STAB2: variants seen among roughly 807,000 people sequenced by gnomAD.
The protein encoded by STAB2 is stabilin 2.
A neutral mutation model predicts 338.1 loss-of-function variants in STAB2; 288 were observed. That is an observed-to-expected ratio of 0.85 (90% CI 0.77 to 0.94). The LOEUF (loss-of-function observed/expected upper bound fraction) is 0.94, where lower values mean the gene tolerates loss of function less well. Among genes scored for constraint, STAB2 ranks in the 40% least tolerant of loss-of-function variants. The pLI is 0.00. For synonymous variants in STAB2, 1,202 were observed against 1,193.3 expected (o/e 1.01, Z -0.15); for missense variants, 3,141 against 3,210.1 (o/e 0.98, Z 0.52).
At chr12:103,729,769 T>C (rs942103208) in intron 48 of STAB2, among the ~76,000 whole-genome samples, 1 of 152,022 alleles carries the variant, frequency 6.6e-6, no homozygotes, top group Non-Finnish European at 1.5e-5. Flanking sequence ...GAGAAAAAAA[T>C]GGTGACTGTA....
Position 103,730,205 on chromosome 12 carries a change from A to G in STAB2, c.5172A>G (p.Leu1724=). The part of the protein sequence containing the change: ...NGIVHIIDKL[L]SPKNLLITPK... ...TTGTTCATATCATAGACAAATTGCT[A>G]TCTCCCAAAAATTTGCTTATCACTC... Residue 1724 remains leucine, a synonymous_variant, in exon 49 of 69, where the codon CTA becomes CTG. Coordinates refer to ENST00000388887, the MANE Select transcript of STAB2 (RefSeq NM_017564.10). 2 of 1,613,568 alleles carry G rather than the reference A, an allele frequency of 1.2e-6. No individual in the cohort carries two copies. Among genetic ancestry groups the G allele is most frequent in the East Asian group, 2.2e-5 (1 of 44,796 alleles).
intron 30 of STAB2, 70 bp from the exon 31 acceptor site, chr12:103,692,742 C>T: frequency 7.5e-7 from 1 of 1,334,308 alleles, no homozygotes; most frequent in East Asian, 2.4e-5. Context: ...AGCAGAAACC[C>T]CAGAGATCAT....
chr12:103,745,410 A>ATTCAGATC (rs1593318179), intron 57 of STAB2, 133 bp downstream of exon 57: 1 of 764,710 alleles, frequency 1.3e-6, no homozygotes, highest in Non-Finnish European at 2.0e-6. Context: ...GTAAAAGATA[A>ATTCAGATC]TTCAGATCTG....
At chr12:103,651,667 C>T (rs1272122969) in intron 11 of STAB2, among the ~76,000 whole-genome samples, 1 of 151,878 alleles carries the variant, frequency 6.6e-6, no homozygotes, top group Non-Finnish European at 1.5e-5. Context: ...CTCTGTGAAA[C>T]AGATCAGCCA....
chr12:103,729,579 A>G (rs1881474937), intron 48 of STAB2, among the ~76,000 whole-genome samples: 1 of 152,246 alleles, frequency 6.6e-6, no homozygotes, highest in Non-Finnish European at 1.5e-5. Flanking sequence ...CAGAAAGGTT[A>G]AGTAACTTGT....
intron 13 of STAB2, 74 bp downstream of exon 13, chr12:103,654,772 A>C: frequency 6.5e-7 from 1 of 1,529,036 alleles, no homozygotes; most frequent in Non-Finnish European, 8.8e-7. Context: ...CATCCAGAGC[A>C]TGCCAGCACT....
At position 103,766,286 on chromosome 12, in the gene STAB2, G is replaced by T. The variant is rs200988702; in HGVS notation, c.7606G>T (p.Asp2536Tyr). 7 of 1,613,962 alleles carry T rather than the reference G, an allele frequency of 4.3e-6. No individual in the cohort carries two copies. The change falls in exon 69 of 69, where the codon GAC becomes TAC. Residue 2536 changes from aspartate (D) to tyrosine (Y), a missense_variant and splice_region_variant. Asp to Tyr is a radical substitution (Grantham distance 160). Coordinates refer to ENST00000388887, the MANE Select transcript of STAB2 (RefSeq NM_017564.10). Reference protein sequence around the residue: ...PPEPSYDPFTDSEERQLEGND... With the variant: ...PPEPSYDPFTYSEERQLEGND... ...CCCCTTACAACCCTCTCTTTTCCAG[G>T]ACTCTGAAGAACGGCAGCTTGAGGG...
chr12:103,702,671 G>A (rs890808696), intron 34 of STAB2, among the ~76,000 whole-genome samples: 2 of 152,154 alleles, frequency 1.3e-5, no homozygotes, highest in Admixed American at 6.5e-5. Flanking sequence ...ACCATGAAGC[G>A]GAGACATACT....
chr12:103,753,389 G>A, intron 61 of STAB2, 36 bp downstream of exon 61: 1 of 1,613,878 alleles, frequency 6.2e-7, no homozygotes, highest in Non-Finnish European at 8.5e-7. Context: ...TGCAGACAGA[G>A]TCTGCAGGGG....
At chr12:103,659,813 T>A (rs1165265945) in intron 15 of STAB2, among the ~76,000 whole-genome samples, 1 of 152,166 alleles carries the variant, frequency 6.6e-6, no homozygotes, top group African/African-American at 2.4e-5. Flanking sequence ...AAGGAAGAGG[T>A]GATCGCTATC....
chr12:103,681,954 T>A (rs1388119998), intron 25 of STAB2, among the ~76,000 whole-genome samples: 1 of 152,150 alleles, frequency 6.6e-6, no homozygotes, highest in African/African-American at 2.4e-5. Flanking sequence ...TATGACCTCA[T>A]CTTAACTAAT....
At chr12:103,693,166 A>G (rs915043378) in intron 31 of STAB2, among the ~76,000 whole-genome samples, 1 of 152,158 alleles carries the variant, frequency 6.6e-6, no homozygotes, top group East Asian at 1.9e-4. Flanking sequence ...CTCAAAAGAC[A>G]CTTGAGGCCA....
chr12:103,651,591 C>A (rs376629716), intron 11 of STAB2, among the ~76,000 whole-genome samples: 1 of 151,134 alleles, frequency 6.6e-6, no homozygotes, highest in Admixed American at 6.6e-5. Flanking sequence ...AGATTATAGG[C>A]GTGAGCCACT....
chr12:103,711,214 T>A (rs947719366), intron 39 of STAB2: 34 of 498,488 alleles, frequency 6.8e-5, no homozygotes, highest in Non-Finnish European at 1.1e-4. Context: ...TTCTGTGTTT[T>A]ATTCACTCTT....
chr12:103,725,268 A>G (rs936381888), intron 45 of STAB2, among the ~76,000 whole-genome samples, 174 bp downstream of exon 45: 1 of 152,216 alleles, frequency 6.6e-6, no homozygotes, highest in Non-Finnish European at 1.5e-5. Flanking sequence ...CTGGGAATTC[A>G]TTTGACCTGA....
chr12:103,591,445 A>G (rs1015054057), intron 2 of STAB2, among the ~76,000 whole-genome samples: 2 of 152,220 alleles, frequency 1.3e-5, no homozygotes, highest in Admixed American at 6.5e-5. Flanking sequence ...AGATCAAGCC[A>G]CTGCACTCCA....
intron 3 of STAB2, among the ~76,000 whole-genome samples, chr12:103,599,486 T>C (rs1956923991): frequency 6.6e-6 from 1 of 152,166 alleles, no homozygotes; most frequent in Admixed American, 6.5e-5. Flanking sequence ...TGGCTTCCAT[T>C]CCCAGCTTTA....
chr12:103,707,599 C>T (rs1879477611), intron 38 of STAB2, among the ~76,000 whole-genome samples: 1 of 152,188 alleles, frequency 6.6e-6, no homozygotes, highest in Admixed American at 6.5e-5. Flanking sequence ...AAACAATGAT[C>T]TGTTTGAGCC....
At chr12:103,756,682 C>G (rs1407195549) in intron 63 of STAB2, among the ~76,000 whole-genome samples, 1 of 152,092 alleles carries the variant, frequency 6.6e-6, no homozygotes, top group Admixed American at 6.5e-5. Context: ...GCCACTGTTC[C>G]GAGTAGAATC....
Sources: allele counts gnomAD v4.1 joint callset (sites outside exome capture counted in the v4.1 genomes callset), GRCh38; gene constraint gnomAD v4.1.1; transcripts MANE v1.5; gene names NCBI Gene and HGNC (gene_info 2026-07-23, HGNC 2026-07-21).